Variants in TRPC7 observed in about 807,000 individuals in gnomAD.
The protein encoded by TRPC7 is short transient receptor potential channel 7.
A neutral mutation model predicts 90.1 loss-of-function variants in TRPC7; 42 were observed. The observed-to-expected ratio is 0.47, with a 90% CI of 0.36 to 0.60. The LOEUF (loss-of-function observed/expected upper bound fraction) is 0.60. Among genes scored for constraint, TRPC7 ranks in the 20% least tolerant of loss-of-function variants. The pLI is 0.00. For synonymous variants in TRPC7, 451 were observed against 436.3 expected (o/e 1.03, Z -0.42); for missense variants, 955 against 1,112.3 (o/e 0.86, Z 2.01).
intron 3 of TRPC7, among the ~76,000 whole-genome samples, chr5:136,314,703 A>C (rs895423452): frequency 6.6e-6 from 1 of 152,238 alleles, no homozygotes; most frequent in African/African-American, 2.4e-5. Flanking sequence ...AACAGAAGGA[A>C]TACCCAGAGG....
intron 3 of TRPC7, among the ~76,000 whole-genome samples, chr5:136,282,442 C>T (rs1757576100): frequency 6.6e-6 from 1 of 152,178 alleles, no homozygotes; most frequent in African/African-American, 2.4e-5. Context: ...TTTATTTTTA[C>T]ATAATTATTT....
chr5:136,214,882 CT>C (rs1755213435), intron 11 of TRPC7, among the ~76,000 whole-genome samples: 1 of 152,170 alleles, frequency 6.6e-6, no homozygotes, highest in Non-Finnish European at 1.5e-5. Flanking sequence ...TCATAAGTAT[CT>C]CATTAATTAC....
intron 2 of TRPC7, among the ~76,000 whole-genome samples, chr5:136,338,276 G>A (rs1759731038): frequency 1.3e-5 from 2 of 152,152 alleles, no homozygotes; most frequent in South Asian, 4.1e-4. Flanking sequence ...AGAATTGACA[G>A]TACTTAGAAT....
chr5:136,243,402 T>C (rs1301725418), intron 7 of TRPC7, among the ~76,000 whole-genome samples: 1 of 152,116 alleles, frequency 6.6e-6, no homozygotes, highest in African/African-American at 2.4e-5. Context: ...TTCTGTAGAA[T>C]TGGGTCTGCC....
rs76116831 is a variant in TRPC7, at chr5:136,354,438, T to C, written c.780+2170A>G. On this transcript the variant is annotated intron_variant, in intron 2 of 11. Coordinates refer to ENST00000513104, the MANE Select transcript of TRPC7 (RefSeq NM_020389.3). ...ATAAAGTAAACTTTTTAAATAATTA[T>C]TATCTAGTCCCAATTTGTGGGCCCC... Among the ~76,000 whole-genome samples the C allele has an allele frequency of 5.1e-3, 772 of 152,208 alleles. 5 individuals carry two copies. Among genetic ancestry groups the C allele is most frequent in the African/African-American group, 0.018 (734 of 41,522 alleles).
Position 136,227,186 on chromosome 5 carries a change from G to GGGC in TRPC7, c.2041-934_2041-932dup, listed in dbSNP as rs1317616101. On this transcript the variant is annotated intron_variant, in intron 8 of 11. Transcript: ENST00000513104. Reference sequence around the variant, plus strand: ...TTGTGTCAATGCCAGAATGCTAAGTGGGCCCCTGAGAGTAGCAGGTGTATT... The same window carrying GGGC: ...TTGTGTCAATGCCAGAATGCTAAGTGGGCGGCCCCTGAGAGTAGCAGGTGTATT... 5.3e-5 allele frequency among the ~76,000 whole-genome samples: 8 copies of GGGC among 152,272 alleles called. No homozygotes were observed. The East Asian group carries it at 1.5e-3, about 29-fold the overall frequency.
chr5:136,362,077 T>C (rs187264169), intron 1 of TRPC7, among the ~76,000 whole-genome samples: 26 of 152,332 alleles, frequency 1.7e-4, no homozygotes, highest in African/African-American at 3.1e-4. Context: ...TGTACATTGA[T>C]ATACTCAGCT....
chr5:136,215,622 A>G (rs2149791427), intron 11 of TRPC7, among the ~76,000 whole-genome samples: 1 of 152,200 alleles, frequency 6.6e-6, no homozygotes, highest in South Asian at 2.1e-4. Flanking sequence ...GGAGTTCGAG[A>G]CCAGCCTGAC....
At chr5:136,249,157 A>G (rs1170695485) in intron 6 of TRPC7, among the ~76,000 whole-genome samples, 3 of 152,194 alleles carry the variant, frequency 2.0e-5, no homozygotes, top group African/African-American at 7.2e-5. Flanking sequence ...TCCTTTTCAG[A>G]GACCGGTAAA....
At chr5:136,215,783 G>A (rs367636696) in intron 11 of TRPC7, among the ~76,000 whole-genome samples, 45 of 146,066 alleles carry the variant, frequency 3.1e-4, no homozygotes, top group African/African-American at 9.8e-4. Context: ...AGATTGTGCC[G>A]TTGCACTCCA....
chr5:136,341,740 G>A (rs1235604798), intron 2 of TRPC7, among the ~76,000 whole-genome samples: 1 of 152,120 alleles, frequency 6.6e-6, no homozygotes, highest in Non-Finnish European at 1.5e-5. Context: ...GGTAATTCAA[G>A]GAGAAACCAA....
intron 7 of TRPC7, among the ~76,000 whole-genome samples, chr5:136,242,612 T>C (rs544664504): frequency 3.2e-4 from 48 of 152,330 alleles, no homozygotes; most frequent in African/African-American, 1.1e-3. Flanking sequence ...TCACTTAAGT[T>C]AACAAGCTCC....
chr5:136,245,229 G>A (rs946327149), intron 7 of TRPC7, among the ~76,000 whole-genome samples: 4 of 152,210 alleles, frequency 2.6e-5, no homozygotes, highest in East Asian at 1.9e-4. Flanking sequence ...CCTGTGGGCC[G>A]AGGAGCAGAG....
intron 7 of TRPC7, among the ~76,000 whole-genome samples, chr5:136,237,162 C>T (rs1756006677): frequency 6.6e-6 from 1 of 152,154 alleles, no homozygotes; most frequent in Admixed American, 6.5e-5. Flanking sequence ...GAACTCATCC[C>T]TTCCTTGGCC....
intron 3 of TRPC7, among the ~76,000 whole-genome samples, chr5:136,305,561 C>G (rs1482105183): frequency 6.6e-6 from 1 of 152,104 alleles, no homozygotes; most frequent in Non-Finnish European, 1.5e-5. Flanking sequence ...CCCAACTCAG[C>G]AAACTAAAAT....
At chr5:136,243,827 G>A (rs151095834) in intron 7 of TRPC7, among the ~76,000 whole-genome samples, 46 of 152,070 alleles carry the variant, frequency 3.0e-4, no homozygotes, top group African/African-American at 1.0e-3. Context: ...CCTATTCACA[G>A]CTACACATCT....
chr5:136,266,804 T>G (rs1337619315), intron 4 of TRPC7, among the ~76,000 whole-genome samples: 1 of 152,248 alleles, frequency 6.6e-6, no homozygotes, highest in African/African-American at 2.4e-5. Flanking sequence ...GCTCGGTTTT[T>G]GTTTAATCTA....
At position 136,247,617 on chromosome 5, in the gene TRPC7, C is replaced by T; in HGVS notation, c.1698G>A (p.Gly566=). Residue 566 remains glycine, a synonymous_variant, in exon 7 of 12, where the codon GGG becomes GGA. Transcript: ENST00000513104. The surrounding 1 kb of genome is among the most constrained non-coding windows in gnomAD (Gnocchi z 4.2). ...AYILPANESF[G]PLQISLGRTV... is the part of the protein sequence containing the mutation. ...TTCTCCCTAGCGAGATCTGCAGGGG[C>T]CCAAAACTCTCGTTGGCTGGCAGAA... 1.2e-6 allele frequency: 2 copies of T among 1,613,940 alleles called. No homozygotes were observed. The highest frequency in any genetic ancestry group is 1.7e-6 in the Non-Finnish European group (2 of 1,179,874).
intron 7 of TRPC7, among the ~76,000 whole-genome samples, chr5:136,246,207 G>A (rs1756331391): frequency 6.6e-6 from 1 of 152,216 alleles, no homozygotes; most frequent in Non-Finnish European, 1.5e-5. Context: ...CATGCCTCCT[G>A]CCTCTCTCAC....
Sources: gnomAD v4.1 joint callset for allele counts (sites outside exome capture counted in the v4.1 genomes callset) on GRCh38, gnomAD v4.1.1 for gene constraint, Gnocchi (gnomAD v3.1) non-coding constraint, MANE v1.5 for transcripts, NCBI Gene and HGNC (gene_info 2026-07-23, HGNC 2026-07-21) for gene names.